The following C12orf60 variants were observed in gnomAD, a reference collection of about 807,000 sequenced individuals.
C12orf60 encodes chromosome 12 open reading frame 60.
For synonymous variants in C12orf60, 102 were observed against 94.6 expected (o/e 1.08, Z -0.45); for missense variants, 284 against 283.2 (o/e 1.00, Z -0.02).
intron 1 of C12orf60, among the ~76,000 whole-genome samples, chr12:14,816,553 C>A (rs1189920974): frequency 3.3e-5 from 5 of 152,104 alleles, no homozygotes; most frequent in African/African-American, 1.2e-4. Context: ...AGTGTACATG[C>A]ATTGCCTCTA....
chr12:14,812,602 G>A (rs1950158688), intron 1 of C12orf60, among the ~76,000 whole-genome samples: 2 of 151,930 alleles, frequency 1.3e-5, no homozygotes, highest in South Asian at 2.1e-4. Context: ...CTCAGCATAA[G>A]TACCTAGAAG....
At chr12:14,812,439 G>C (rs1950155562) in intron 1 of C12orf60, among the ~76,000 whole-genome samples, 1 of 150,580 alleles carries the variant, frequency 6.6e-6, no homozygotes, top group African/African-American at 2.4e-5. Flanking sequence ...GGGAGACTCC[G>C]TCTCAAAAAA....
Position 14,823,345 on chromosome 12 carries a change from A to C in C12orf60, c.410A>C (p.Glu137Ala), listed in dbSNP as rs761317402. 1 of 1,614,074 alleles carries C rather than the reference A, an allele frequency of 6.2e-7. No homozygotes were observed. The highest frequency in any genetic ancestry group is 8.5e-7 in the Non-Finnish European group (1 of 1,179,994). Residue 137 changes from glutamate (E) to alanine (A), a missense_variant, in exon 2 of 2, where the codon GAA (glutamate) becomes GCA (alanine). Transcript: ENST00000330828. Reference sequence around the variant, plus strand: ...AGCAGTAACATCCTTGGGAGTCTGGAATCTTCTCTTTCACACTTGATGAAA... The same window carrying C: ...AGCAGTAACATCCTTGGGAGTCTGGCATCTTCTCTTTCACACTTGATGAAA... ...LNSSNILGSLESSLSHLMKFP... is the reference protein window; with the variant it reads ...LNSSNILGSLASSLSHLMKFP...
chr12:14,823,198 C>G lies in C12orf60; in HGVS notation c.263C>G (p.Ser88Cys). 1 of 1,614,092 alleles carries G rather than the reference C, an allele frequency of 6.2e-7. No homozygotes were observed. The highest frequency in any genetic ancestry group is 8.5e-7 in the Non-Finnish European group (1 of 1,180,006). Reference sequence around the variant, plus strand: ...AAAATTCAAAAGGAGTCTTTATGTTCCAAGGTTGCAATGGCCATGTGCTCT... The same window carrying G: ...AAAATTCAAAAGGAGTCTTTATGTTGCAAGGTTGCAATGGCCATGTGCTCT... ...HDKIQKESLC[S>C]KVAMAMCSVV... Residue 88 changes from serine to cysteine, a missense_variant, in exon 2 of 2, where the codon TCC (serine) becomes TGC (cysteine). Transcript: ENST00000330828.
intron 1 of C12orf60, among the ~76,000 whole-genome samples, chr12:14,815,431 T>G (rs1013202167): frequency 6.6e-6 from 1 of 152,120 alleles, no homozygotes; most frequent in Non-Finnish European, 1.5e-5. Flanking sequence ...CCAAAAATTG[T>G]AGAACATTTT....
At position 14,823,417 on chromosome 12, in the gene C12orf60, C is replaced by G. The variant is rs779892818; in HGVS notation, c.482C>G (p.Thr161Ser). The change falls in exon 2 of 2, where the codon ACC becomes AGC. Residue 161 changes from threonine to serine, a missense_variant. By Grantham distance (58) the Thr-to-Ser change is moderately conservative. Coordinates refer to ENST00000330828, the MANE Select transcript of C12orf60 (RefSeq NM_175874.4). ...LQLSDFYTED[T>S]KEQSDVTTSE... Reference sequence around the variant, plus strand: ...TTAAGTGACTTCTATACAGAAGACACCAAAGAGCAATCAGATGTCACCACA... The same window carrying G: ...TTAAGTGACTTCTATACAGAAGACAGCAAAGAGCAATCAGATGTCACCACA... The G allele has an allele frequency of 1.9e-6, 3 of 1,613,838 alleles. No homozygotes were observed. In the African/African-American group the frequency reaches 4.0e-5, roughly 22 times the overall value.
At chr12:14,818,567 T>A (rs1027069687) in intron 1 of C12orf60, among the ~76,000 whole-genome samples, 2 of 151,994 alleles carry the variant, frequency 1.3e-5, no homozygotes, top group Admixed American at 6.6e-5. Context: ...GATCATGAGG[T>A]CAGGAGATGG....
rs1592229349 is a variant in C12orf60 at position 14,806,667 on chromosome 12, T to C, written c.-25+2916T>C. On this transcript the variant is annotated intron_variant, in intron 1 of 1. Coordinates refer to ENST00000330828, the MANE Select transcript of C12orf60 (RefSeq NM_175874.4). ...TTTTGGGTTCTCTGGGTAAAGGAAG[T>C]CACTTTGGGCCATATTTCCAATATG... The C allele has an allele frequency of 2.5e-6, 4 of 1,593,868 alleles. No individual in the cohort carries two copies. The East Asian group carries it at 8.9e-5, about 36-fold the overall frequency.
chr12:14,821,491 C>T (rs770889558), intron 1 of C12orf60, among the ~76,000 whole-genome samples: 2 of 152,148 alleles, frequency 1.3e-5, no homozygotes, highest in Non-Finnish European at 2.9e-5. Context: ...GTTTCCTGCT[C>T]TGTTTTTAAT....
intron 1 of C12orf60, among the ~76,000 whole-genome samples, chr12:14,817,363 T>A (rs1443220594): frequency 6.6e-6 from 1 of 152,212 alleles, no homozygotes; most frequent in East Asian, 1.9e-4. Flanking sequence ...TTTTATTTAT[T>A]TCTTCCAAAA....
intron 1 of C12orf60, among the ~76,000 whole-genome samples, chr12:14,812,618 C>T (rs1950158967): frequency 6.6e-6 from 1 of 151,986 alleles, no homozygotes; most frequent in Non-Finnish European, 1.5e-5. Flanking sequence ...AGAAGAATTA[C>T]ATAATTAGTG....
chr12:14,820,350 A>T (rs562266401), intron 1 of C12orf60, among the ~76,000 whole-genome samples: 1 of 151,374 alleles, frequency 6.6e-6, no homozygotes, highest in Non-Finnish European at 1.5e-5. Context: ...AATTTCACTG[A>T]TTTCTACTCT....
intron 1 of C12orf60, among the ~76,000 whole-genome samples, chr12:14,807,917 G>T (rs1013746340): frequency 2.6e-5 from 4 of 152,184 alleles, no homozygotes; most frequent in African/African-American, 9.7e-5. Context: ...TGTAATCCCA[G>T]CACTTTGGGA....
intron 1 of C12orf60, among the ~76,000 whole-genome samples, chr12:14,817,143 C>G (rs1017091543): frequency 2.6e-5 from 4 of 152,088 alleles, no homozygotes; most frequent in African/African-American, 4.8e-5. Flanking sequence ...AATCAGCTAA[C>G]CAAAAGTTAC....
At chr12:14,809,452 G>C (rs1012735312) in intron 1 of C12orf60, among the ~76,000 whole-genome samples, 1 of 152,050 alleles carries the variant, frequency 6.6e-6, no homozygotes, top group African/African-American at 2.4e-5. Context: ...ACAGGTACAA[G>C]AGTCAGTGAA....
chr12:14,815,307 G>A lies in C12orf60; in HGVS notation c.-24-7605G>A, dbSNP rs187469202. ...CCCACCACGTACGGATGTGTGGCCA[G>A]TGTATCTGAACTAGGTATGGATGTT... On this transcript the variant is annotated intron_variant, in intron 1 of 1. Transcript: ENST00000330828. Among the ~76,000 whole-genome samples the A allele has an allele frequency of 9.3e-4, 142 of 152,322 alleles. 1 individual carries two copies. The highest frequency in any genetic ancestry group is 3.4e-3 in the African/African-American group (140 of 41,568).
chr12:14,806,407 C>A (rs1325473313), intron 1 of C12orf60: 1 of 1,614,206 alleles, frequency 6.2e-7, no homozygotes, highest in South Asian at 1.1e-5. Context: ...AGGGTTGGCT[C>A]TAGCTTATCT....
chr12:14,823,345 A>G lies in C12orf60; in HGVS notation c.410A>G (p.Glu137Gly). Reference sequence around the variant, plus strand: ...AGCAGTAACATCCTTGGGAGTCTGGAATCTTCTCTTTCACACTTGATGAAA... The same window carrying G: ...AGCAGTAACATCCTTGGGAGTCTGGGATCTTCTCTTTCACACTTGATGAAA... ...LNSSNILGSL[E>G]SSLSHLMKFP... Residue 137 changes from glutamate (E) to glycine (G), a missense_variant, in exon 2 of 2, where the codon GAA becomes GGA. Glu to Gly is a moderately conservative substitution (Grantham distance 98). Transcript: ENST00000330828. 1 of 1,614,074 alleles carries G rather than the reference A, an allele frequency of 6.2e-7. No homozygotes were observed. Among genetic ancestry groups the G allele is most frequent in the Non-Finnish European group, 8.5e-7 (1 of 1,179,994 alleles).
chr12:14,814,775 C>T (rs1950191567), intron 1 of C12orf60, among the ~76,000 whole-genome samples: 1 of 152,180 alleles, frequency 6.6e-6, no homozygotes, highest in African/African-American at 2.4e-5. Flanking sequence ...CCTGCTGCTT[C>T]TTCCCAGCTT....
Sources: allele counts gnomAD v4.1 joint callset (sites outside exome capture counted in the v4.1 genomes callset), GRCh38; gene constraint gnomAD v4.1.1; transcripts MANE v1.5; gene names NCBI Gene and HGNC (gene_info 2026-07-23, HGNC 2026-07-21).